The following ADAMTS16 variants were observed in gnomAD, a reference collection of about 807,000 sequenced individuals.
The protein encoded by ADAMTS16 is A disintegrin and metalloproteinase with thrombospondin motifs 16.
A neutral mutation model predicts 145.8 loss-of-function variants in ADAMTS16; 94 were observed. The ratio of observed to expected loss-of-function variants is 0.64; its 90% CI spans 0.55 to 0.77. The LOEUF is 0.77. ADAMTS16 is among the 30% of genes least tolerant of loss of function. The pLI is 0.00. For missense variants in ADAMTS16, 1,585 were observed against 1,591.5 expected (o/e 1.00, Z 0.07); for synonymous variants, 659 against 604.3 (o/e 1.09, Z -1.33).
chr5:5,248,633 G>T (rs1297008185), intron 17 of ADAMTS16, among the ~76,000 whole-genome samples: 2 of 152,190 alleles, frequency 1.3e-5, no homozygotes, highest in African/African-American at 4.8e-5. Context: ...ATTAGTCAGA[G>T]AAATAATACC....
At chr5:5,162,335 C>T (rs1734760570) in intron 3 of ADAMTS16, among the ~76,000 whole-genome samples, 4 of 152,158 alleles carry the variant, frequency 2.6e-5, no homozygotes. Context: ...GCCAATCAGA[C>T]CCATTATCTA....
chr5:5,176,946 A>G lies in ADAMTS16; in HGVS notation c.502-5098A>G, dbSNP rs564642966. Among the ~76,000 whole-genome samples the G allele has an allele frequency of 4.6e-5, 7 of 152,292 alleles. No individual in the cohort carries two copies. The South Asian group carries it at 1.4e-3, about 32-fold the overall frequency. Reference sequence around the variant, plus strand: ...GATGTTTATTACACTGATCCAGTTTAGCCAGGCCACAAGATCCAGGTAGAA... The same window carrying G: ...GATGTTTATTACACTGATCCAGTTTGGCCAGGCCACAAGATCCAGGTAGAA... On this transcript the variant is annotated intron_variant, in intron 3 of 22. Transcript: ENST00000274181.
intron 8 of ADAMTS16, among the ~76,000 whole-genome samples, chr5:5,192,229 G>A (rs1560942324): frequency 1.3e-5 from 2 of 152,098 alleles, no homozygotes; most frequent in African/African-American, 2.4e-5. Flanking sequence ...CAATGCACAA[G>A]TTTCCATGTC....
chr5:5,209,097 G>A lies in ADAMTS16; in HGVS notation c.1456G>A (p.Ala486Thr), dbSNP rs16875054. The change falls in exon 10 of 23, where the codon GCT (alanine) becomes ACT (threonine). Residue 486 changes from alanine (A) to threonine (T), a missense_variant. Transcript: ENST00000274181. ...CTCATCTCCTCTTTGTTTCAGCACC[G>A]CTCAAGCTATCTGCCTTGCTGATCA... is the stretch of plus-strand genomic sequence containing the variant. The part of the protein sequence containing the change: ...RQYLHKFLST[A>T]QAICLADQPK... The A allele has an allele frequency of 0.042, 67,779 of 1,612,532 alleles. 2,017 individuals carry two copies. The highest frequency in any genetic ancestry group is 0.13 in the East Asian group (5,976 of 44,820).
chr5:5,222,942 C>T, intron 11 of ADAMTS16, 58 bp downstream of exon 11: 1 of 1,497,064 alleles, frequency 6.7e-7, no homozygotes, highest in Non-Finnish European at 9.3e-7. Flanking sequence ...TCAACCCATG[C>T]ATCTTTGCTC....
At chr5:5,312,452 T>A (rs539296460) in intron 21 of ADAMTS16, among the ~76,000 whole-genome samples, 90 of 150,606 alleles carry the variant, frequency 6.0e-4, no homozygotes, top group African/African-American at 2.1e-3. Context: ...GTTGTTATTT[T>A]TTTTTTTTTT....
intron 10 of ADAMTS16, among the ~76,000 whole-genome samples, chr5:5,213,904 T>G (rs1736344778): frequency 6.6e-6 from 1 of 152,184 alleles, no homozygotes; most frequent in Non-Finnish European, 1.5e-5. Flanking sequence ...CAGCAAAACC[T>G]AAGACAGACA....
At chr5:5,214,140 A>G (rs1362480212) in intron 10 of ADAMTS16, among the ~76,000 whole-genome samples, 1 of 152,170 alleles carries the variant, frequency 6.6e-6, no homozygotes, top group Non-Finnish European at 1.5e-5. Context: ...CGAGCATCAC[A>G]GTACTGTGTT....
At chr5:5,279,331 G>GT (rs1417064136) in intron 18 of ADAMTS16, among the ~76,000 whole-genome samples, 2 of 152,208 alleles carry the variant, frequency 1.3e-5, no homozygotes, top group Non-Finnish European at 2.9e-5. Flanking sequence ...GAGTTTTAGC[G>GT]TAATGTCCTT....
At position 5,232,107 on chromosome 5, in the gene ADAMTS16, G is replaced by A. The variant is rs140749890; in HGVS notation, c.1702-261G>A. Among the ~76,000 whole-genome samples the A allele has an allele frequency of 7.7e-4, 117 of 152,172 alleles. No individual in the cohort carries two copies. The East Asian group carries it at 0.02, about 25-fold the overall frequency. ...CCTTCATTAAAAGTGTCAAGTTTCC[G>A]GGAGATCAGACATTTGAAAATGATT... is the stretch of plus-strand genomic sequence containing the variant. On this transcript the variant is annotated intron_variant, in intron 11 of 22. Transcript: ENST00000274181.
chr5:5,201,647 T>C (rs954123160), intron 9 of ADAMTS16, among the ~76,000 whole-genome samples: 6 of 151,932 alleles, frequency 3.9e-5, no homozygotes, highest in East Asian at 3.9e-4. Context: ...ACCAATGAAA[T>C]AATCTCCAGG....
intron 10 of ADAMTS16, among the ~76,000 whole-genome samples, chr5:5,216,460 C>A (rs1485993437): frequency 1.3e-5 from 2 of 151,748 alleles, no homozygotes; most frequent in African/African-American, 4.8e-5. Context: ...TTAAGATTTT[C>A]TCTCACACTG....
In ADAMTS16 at chr5:5,319,828, T is replaced by G. The variant is rs761243541; in HGVS notation, c.*690T>G. ...TCCTGCTAAGGTGCTTCTATCTCTT[T>G]CAGATTCATGCATTGAAGGAGAGAT... On this transcript the variant is annotated 3_prime_UTR_variant, in exon 23 of 23. Coordinates refer to ENST00000274181, the MANE Select transcript of ADAMTS16 (RefSeq NM_139056.4). The G allele has an allele frequency of 6.6e-6, 3 of 454,346 alleles. No individual in the cohort carries two copies. The highest frequency in any genetic ancestry group is 6.0e-5 in the African/African-American group (3 of 49,782). 28.1% of individuals were successfully genotyped at this position (454,346 alleles called of 1,614,324 possible). A position where few individuals can be genotyped will look rare whatever the true frequency, so the allele number is the denominator to read the frequency against.
At chr5:5,195,249 T>C (rs997265381) in intron 8 of ADAMTS16, among the ~76,000 whole-genome samples, 1 of 152,226 alleles carries the variant, frequency 6.6e-6, no homozygotes, top group African/African-American at 2.4e-5. Flanking sequence ...GAGAGTTTCC[T>C]GGTTATGTTA....
chr5:5,181,227 A>G (rs552288361), intron 3 of ADAMTS16, among the ~76,000 whole-genome samples: 15 of 152,340 alleles, frequency 9.8e-5, no homozygotes, highest in Non-Finnish European at 2.2e-4. Flanking sequence ...TCTGTGGTGC[A>G]CAGATATATG....
At chr5:5,240,798 CT>C (rs1737263498) in intron 16 of ADAMTS16, among the ~76,000 whole-genome samples, 1 of 152,196 alleles carries the variant, frequency 6.6e-6, no homozygotes, top group South Asian at 2.1e-4. Context: ...CCCCTGAACT[CT>C]TTCATCCTAT....
rs530932110 is a variant in ADAMTS16, at chr5:5,211,842, C to A, written c.1605+2596C>A. 1.3e-4 allele frequency among the ~76,000 whole-genome samples: 19 copies of A among 151,988 alleles called. No homozygotes were observed. In the South Asian group the frequency reaches 4.0e-3, roughly 32 times the overall value. ...AAATATATTAAATATTATTTAATTGCCAAATAATTCTCCAGATAACTTATT... is the reference window on the plus strand; with the variant it reads ...AAATATATTAAATATTATTTAATTGACAAATAATTCTCCAGATAACTTATT... On this transcript the variant is annotated intron_variant, in intron 10 of 22. Transcript: ENST00000274181.
intron 9 of ADAMTS16, among the ~76,000 whole-genome samples, chr5:5,206,646 A>G (rs1736130540): frequency 1.3e-5 from 2 of 151,260 alleles, no homozygotes; most frequent in African/African-American, 4.9e-5. Context: ...TGCCTGGCTA[A>G]TATTTTTGTA....
intron 18 of ADAMTS16, among the ~76,000 whole-genome samples, chr5:5,285,969 C>T (rs995015390): frequency 2.0e-4 from 31 of 152,212 alleles, no homozygotes; most frequent in African/African-American, 6.5e-4. Context: ...TCTGTTGCGA[C>T]TTGTGCGTAT....
Sources: gnomAD v4.1 joint callset for allele counts (sites outside exome capture counted in the v4.1 genomes callset) on GRCh38, gnomAD v4.1.1 for gene constraint, MANE v1.5 for transcripts, NCBI Gene and HGNC (gene_info 2026-07-23, HGNC 2026-07-21) for gene names.